The following CARMIL1 variants were observed in gnomAD, a reference collection of about 807,000 sequenced individuals.
The protein encoded by CARMIL1 is F-actin-uncapping protein LRRC16A.
A neutral mutation model predicts 177.1 loss-of-function variants in CARMIL1; 90 were observed. The ratio of observed to expected loss-of-function variants is 0.51; its 90% CI spans 0.43 to 0.61. CARMIL1 has a LOEUF of 0.61. Ranked by LOEUF, CARMIL1 falls within the 20% of genes least tolerant of loss-of-function variation. The probability of loss-of-function intolerance (pLI) is 0.00; values close to 1 mark genes in which losing one functional copy is unlikely to be tolerated. For synonymous variants in CARMIL1, 577 were observed against 606.2 expected (o/e 0.95, Z 0.71); for missense variants, 1,380 against 1,667.0 (o/e 0.83, Z 3.00).
intron 32 of CARMIL1, among the ~76,000 whole-genome samples, chr6:25,596,759 C>A (rs1249370451): frequency 2.0e-5 from 3 of 151,926 alleles, no homozygotes; most frequent in Non-Finnish European, 4.4e-5. Flanking sequence ...TTCTTTTGAG[C>A]ATGTTGGTGC....
chr6:25,372,727 C>A (rs1224255753), intron 2 of CARMIL1, among the ~76,000 whole-genome samples: 2 of 152,084 alleles, frequency 1.3e-5, no homozygotes, highest in Non-Finnish European at 2.9e-5. Context: ...AATTTGGATA[C>A]CCTTTATTTT....
chr6:25,619,150 C>G (rs1239500628), intron 36 of CARMIL1, among the ~76,000 whole-genome samples: 2 of 152,208 alleles, frequency 1.3e-5, no homozygotes, highest in African/African-American at 4.8e-5. Context: ...CCCTCCGCTT[C>G]CCCACCATCC....
rs200217399 is a variant in CARMIL1 at position 25,359,912 on chromosome 6, GA to G, written c.139-60194del. ...CTAAAGCACTTTGTTTTTAAAAAAG[GA>G]AAAAAAAGTTTAACTTTTTTTATTT... On this transcript the variant is annotated intron_variant, in intron 2 of 36. Coordinates refer to ENST00000329474, the MANE Select transcript of CARMIL1 (RefSeq NM_017640.6). Among the ~76,000 whole-genome samples, 64 of 152,018 alleles carry G rather than the reference GA, an allele frequency of 4.2e-4. No individual in the cohort carries two copies. In the East Asian group the frequency reaches 9.9e-3, roughly 23 times the overall value.
chr6:25,434,077 G>T (rs1797034164), intron 4 of CARMIL1, among the ~76,000 whole-genome samples: 1 of 152,048 alleles, frequency 6.6e-6, no homozygotes, highest in Admixed American at 6.6e-5. Flanking sequence ...GAATTTTTTG[G>T]GGGGTAGGAA....
chr6:25,299,599 T>A (rs534369514), intron 2 of CARMIL1, among the ~76,000 whole-genome samples: 2 of 152,146 alleles, frequency 1.3e-5, no homozygotes, highest in African/African-American at 4.8e-5. Flanking sequence ...CTGTGCATGA[T>A]AGGATGTTTA....
At chr6:25,470,057 T>C (rs534061916) in intron 9 of CARMIL1, among the ~76,000 whole-genome samples, 2 of 152,328 alleles carry the variant, frequency 1.3e-5, no homozygotes, top group South Asian at 2.1e-4. Flanking sequence ...TTGTTTAACA[T>C]ATATGCATAA....
chr6:25,322,936 G>A (rs1784798523), intron 2 of CARMIL1, among the ~76,000 whole-genome samples: 2 of 152,152 alleles, frequency 1.3e-5, no homozygotes, highest in South Asian at 4.1e-4. Flanking sequence ...TAGCTTCAAA[G>A]GCAGCATGAT....
intron 2 of CARMIL1, among the ~76,000 whole-genome samples, chr6:25,370,754 A>G (rs1482064822): frequency 1.3e-5 from 2 of 151,762 alleles, no homozygotes; most frequent in Admixed American, 1.3e-4. Flanking sequence ...TTTTTTTTTT[A>G]GTTGATATAT....
intron 35 of CARMIL1, 40 bp from the exon 36 acceptor site, chr6:25,610,009 GT>G: frequency 1.9e-6 from 3 of 1,572,500 alleles, no homozygotes; most frequent in Non-Finnish European, 2.6e-6. Context: ...TTGGAATCCA[GT>G]TTGTGGAACA....
At chr6:25,463,155 CATA>C (rs573478317) in intron 8 of CARMIL1, among the ~76,000 whole-genome samples, 210 of 152,216 alleles carry the variant, frequency 1.4e-3, no homozygotes, top group African/African-American at 4.4e-3. Flanking sequence ...AATTTAAAAA[CATA>C]ATAATTTTGT....
intron 2 of CARMIL1, among the ~76,000 whole-genome samples, chr6:25,395,041 T>C (rs1793245050): frequency 6.6e-6 from 1 of 152,162 alleles, no homozygotes; most frequent in South Asian, 2.1e-4. Context: ...CCCTTCAAGT[T>C]TTTTCCCTTT....
intron 11 of CARMIL1, among the ~76,000 whole-genome samples, chr6:25,477,840 T>C (rs1172256576): frequency 6.6e-6 from 1 of 150,396 alleles, no homozygotes; most frequent in Non-Finnish European, 1.5e-5. Context: ...CTGTCCTCAC[T>C]TCTTCTCATC....
At chr6:25,604,763 C>T in intron 33 of CARMIL1, 49 bp from the exon 34 acceptor site, 3 of 1,388,020 alleles carry the variant, frequency 2.2e-6, no homozygotes, top group Non-Finnish European at 3.0e-6. Context: ...TTCACTTTTG[C>T]ATTAAATAAA....
chr6:25,398,814 A>G (rs1167029077), intron 2 of CARMIL1, among the ~76,000 whole-genome samples: 1 of 152,214 alleles, frequency 6.6e-6, no homozygotes, highest in Non-Finnish European at 1.5e-5. Context: ...AGCATTAGCA[A>G]GGAGAGGCTC....
Position 25,566,876 on chromosome 6 carries a change from T to G in CARMIL1, c.2742+10026T>G, listed in dbSNP as rs371741133. Among the ~76,000 whole-genome samples, 29 of 152,332 alleles carry G rather than the reference T, an allele frequency of 1.9e-4. No homozygotes were observed. The South Asian group carries it at 5.0e-3, about 26-fold the overall frequency. ...TTAATCTGGGAGCTATAGAAAATAA[T>G]TCTTGCATGAAAAAGTTATCTTTAA... is the stretch of plus-strand genomic sequence containing the variant. On this transcript the variant is annotated intron_variant, in intron 29 of 36. Transcript: ENST00000329474.
chr6:25,459,266 C>CTTTCTTTCTTTCTTTCTTTT, intron 8 of CARMIL1, among the ~76,000 whole-genome samples: 2 of 73,764 alleles, frequency 2.7e-5, no homozygotes, highest in African/African-American at 4.9e-5. Flanking sequence ...TTCTTTCTTT[C>CTTTCTTTCTTTCTTTCTTTT]TTTTTTTTTT....
intron 22 of CARMIL1, among the ~76,000 whole-genome samples, chr6:25,517,686 G>A (rs1056156306): frequency 6.6e-6 from 1 of 152,172 alleles, no homozygotes; most frequent in Non-Finnish European, 1.5e-5. Flanking sequence ...CGGGAAAGGG[G>A]CTGTGTGAGA....
At chr6:25,359,748 G>T (rs527424254) in intron 2 of CARMIL1, among the ~76,000 whole-genome samples, 75 of 152,312 alleles carry the variant, frequency 4.9e-4, no homozygotes, top group African/African-American at 1.7e-3. Flanking sequence ...GGGAAGGCAA[G>T]TCAGAGGCAT....
In CARMIL1 at chr6:25,510,544, C is replaced by T; in HGVS notation, c.1515C>T (p.Leu505=). 1 of 1,557,928 alleles carries T rather than the reference C, an allele frequency of 6.4e-7. No individual in the cohort carries two copies. Among genetic ancestry groups the T allele is most frequent in the Non-Finnish European group, 8.7e-7 (1 of 1,149,588 alleles). Residue 505 remains leucine, a synonymous_variant, in exon 19 of 37, where the codon CTC becomes CTT. Transcript: ENST00000329474. ...ACCTATCTACCTTAATAGTGTGGCTCAGTAAAAACAGATCAATACAACACC... is the reference window on the plus strand; with the variant it reads ...ACCTATCTACCTTAATAGTGTGGCTTAGTAAAAACAGATCAATACAACACC... ...ESDLSTLIVW[L]SKNRSIQHLA... is the part of the protein sequence containing the mutation.
Sources: allele counts gnomAD v4.1 joint callset (sites outside exome capture counted in the v4.1 genomes callset), GRCh38; gene constraint gnomAD v4.1.1; transcripts MANE v1.5; gene names NCBI Gene and HGNC (gene_info 2026-07-23, HGNC 2026-07-21).